The following DIAPH3 variants were observed in gnomAD, a reference collection of about 807,000 sequenced individuals.
DIAPH3 encodes protein diaphanous homolog 3.
Under a neutral mutation model 144.3 loss-of-function variants are expected in DIAPH3, and 117 were observed. The observed-to-expected ratio is 0.81, with a 90% confidence interval of 0.70 to 0.95. The LOEUF is 0.95. Among genes scored for constraint, DIAPH3 ranks in the 40% least tolerant of loss-of-function variants. The probability of loss-of-function intolerance (pLI) is 0.00; values close to 1 mark genes in which losing one functional copy is unlikely to be tolerated. For synonymous variants in DIAPH3, 519 were observed against 488.9 expected (o/e 1.06, Z -0.81); for missense variants, 1,421 against 1,412.7 (o/e 1.01, Z -0.09).
intron 27 of DIAPH3, among the ~76,000 whole-genome samples, chr13:59,718,170 C>A (rs2035153945): frequency 6.7e-6 from 1 of 150,146 alleles, no homozygotes; most frequent in African/African-American, 2.5e-5. Flanking sequence ...AGATCCTTGG[C>A]CACCTCCCTG....
intron 17 of DIAPH3, among the ~76,000 whole-genome samples, chr13:59,930,876 G>A (rs1488757488): frequency 6.6e-6 from 1 of 152,176 alleles, no homozygotes; most frequent in Non-Finnish European, 1.5e-5. Context: ...AACAGGGAAG[G>A]AGAGTGTGGA....
rs566304750 is a variant in DIAPH3 at position 60,063,724 on chromosome 13, C to T, written c.496-20904G>A. 9.3e-4 allele frequency among the ~76,000 whole-genome samples: 142 copies of T among 152,082 alleles called. 2 individuals carry two copies. Among genetic ancestry groups the T allele is most frequent in the African/African-American group, 3.3e-3 (138 of 41,486 alleles). On this transcript the variant is annotated intron_variant, in intron 4 of 27. Transcript: ENST00000400324. ...AGTGGATCACCTGAGGTCAGGAGTT[C>T]GAGACCAGCCTGGCCAACAAGGTGA...
intron 27 of DIAPH3, among the ~76,000 whole-genome samples, chr13:59,667,135 AT>A (rs2032065021): frequency 6.6e-6 from 1 of 152,088 alleles, no homozygotes; most frequent in South Asian, 2.1e-4. Flanking sequence ...CTGGTCCCAT[AT>A]TTCTTTCAGG....
intron 1 of DIAPH3, 80 bp downstream of exon 1, chr13:60,163,507 A>C: frequency 6.4e-7 from 1 of 1,566,644 alleles, no homozygotes. Flanking sequence ...TTGGTCCCCA[A>C]GTTCTTGTGG....
intron 9 of DIAPH3, among the ~76,000 whole-genome samples, chr13:60,006,447 CA>C (rs954900325): frequency 1.5e-4 from 22 of 149,994 alleles, no homozygotes; most frequent in African/African-American, 2.7e-4. Context: ...TAGATAGTTG[CA>C]AAAAAAAATC....
In DIAPH3 at chr13:60,163,910, G is replaced by T; in HGVS notation, c.-144C>A. 9.2e-7 allele frequency: 1 copy of T among 1,086,488 alleles called. No individual in the cohort carries two copies. Among genetic ancestry groups the T allele is most frequent in the Non-Finnish European group, 1.3e-6 (1 of 780,470 alleles). The allele number at this position is 1,086,488 out of a possible 1,614,324, so 67.3% of individuals were successfully genotyped here. A position where few individuals can be genotyped will look rare whatever the true frequency, so the allele number is the denominator to read the frequency against. On this transcript the variant is annotated 5_prime_UTR_variant, in exon 1 of 28. Transcript: ENST00000400324. ...AGCCTAGCCCAACCGCTGAAGTCGGGGCCGCAGCCAACACATCTGAAAACT... is the reference window on the plus strand; with the variant it reads ...AGCCTAGCCCAACCGCTGAAGTCGGTGCCGCAGCCAACACATCTGAAAACT...
intron 27 of DIAPH3, among the ~76,000 whole-genome samples, chr13:59,736,401 C>T (rs986954058): frequency 1.3e-5 from 2 of 152,148 alleles, no homozygotes; most frequent in Non-Finnish European, 2.9e-5. Context: ...TTTACACTTC[C>T]ACCAGCTGTG....
intron 27 of DIAPH3, among the ~76,000 whole-genome samples, chr13:59,687,583 C>T (rs1280708464): frequency 2.0e-5 from 3 of 151,972 alleles, no homozygotes; most frequent in African/African-American, 7.3e-5. Flanking sequence ...TTTGATAAGA[C>T]GTCAGGACAA....
At chr13:59,854,446 C>T (rs1166474878) in intron 22 of DIAPH3, among the ~76,000 whole-genome samples, 2 of 152,128 alleles carry the variant, frequency 1.3e-5, no homozygotes, top group African/African-American at 4.8e-5. Flanking sequence ...CTACCTGCAG[C>T]ATTTGATTAT....
chr13:59,771,242 CAA>C (rs2038102605), intron 27 of DIAPH3, among the ~76,000 whole-genome samples: 1 of 151,890 alleles, frequency 6.6e-6, no homozygotes, highest in Non-Finnish European at 1.5e-5. Flanking sequence ...ACACAGACAG[CAA>C]AAGATATACA....
intron 21 of DIAPH3, 57 bp downstream of exon 21, chr13:59,879,172 C>G (rs2044830066): frequency 1.2e-6 from 2 of 1,610,402 alleles, no homozygotes; most frequent in East Asian, 2.2e-5. Flanking sequence ...GCAATCAGGG[C>G]TGACATTTAA....
At chr13:59,815,642 T>C (rs1231301567) in intron 24 of DIAPH3, among the ~76,000 whole-genome samples, 3 of 152,054 alleles carry the variant, frequency 2.0e-5, no homozygotes, top group African/African-American at 7.2e-5. Context: ...TTTGTAGAGA[T>C]GGGGGTCTTG....
chr13:60,054,628 A>G (rs936632445), intron 4 of DIAPH3, among the ~76,000 whole-genome samples: 3 of 152,046 alleles, frequency 2.0e-5, no homozygotes, highest in Admixed American at 2.0e-4. Flanking sequence ...TATTTAAAGA[A>G]ATAGTTTGCA....
At chr13:59,827,802 C>T (rs1264610387) in intron 24 of DIAPH3, among the ~76,000 whole-genome samples, 1 of 151,934 alleles carries the variant, frequency 6.6e-6, no homozygotes, top group African/African-American at 2.4e-5. Context: ...TGCTTCAAAG[C>T]CACAGTGACC....
rs957266835 is a variant in DIAPH3, at chr13:59,870,665, G to T, written c.2607+8564C>A. Among the ~76,000 whole-genome samples the T allele has an allele frequency of 6.7e-3, 938 of 139,206 alleles. 5 individuals are homozygous for T. Among genetic ancestry groups the T allele is most frequent in the Non-Finnish European group, 8.2e-3 (534 of 65,310 alleles). 91.3% of individuals were successfully genotyped at this position (139,206 alleles called of 152,430 possible). On this transcript the variant is annotated intron_variant, in intron 21 of 27. Coordinates refer to ENST00000400324, the MANE Select transcript of DIAPH3 (RefSeq NM_001042517.2). ...TGATTTTTTTCAAAGTTTTGTAGGT[G>T]TTTTTTTTTTTTTTTTAAATTTGAG...
intron 21 of DIAPH3, among the ~76,000 whole-genome samples, chr13:59,866,836 G>A (rs1389182436): frequency 2.0e-5 from 3 of 151,748 alleles, no homozygotes; most frequent in East Asian, 1.9e-4. Flanking sequence ...AGGTATCTAC[G>A]TGAAAATGAA....
chr13:59,903,108 A>T (rs2046538456), intron 20 of DIAPH3, among the ~76,000 whole-genome samples: 1 of 152,196 alleles, frequency 6.6e-6, no homozygotes, highest in Non-Finnish European at 1.5e-5. Context: ...GAGATCAAAG[A>T]TGAATTATTA....
chr13:59,853,200 A>G (rs1370283137), intron 22 of DIAPH3, among the ~76,000 whole-genome samples: 1 of 152,180 alleles, frequency 6.6e-6, no homozygotes, highest in Non-Finnish European at 1.5e-5. Context: ...AGTTTCTCCT[A>G]TCATATAATG....
rs1033025484 is a variant in DIAPH3, at chr13:59,666,417, T to C, written c.*167A>G. 2 of 794,272 alleles carry C rather than the reference T, an allele frequency of 2.5e-6. No individual in the cohort carries two copies. Among genetic ancestry groups the C allele is most frequent in the South Asian group, 2.2e-5 (1 of 46,280 alleles). The allele number at this position is 794,272 out of a possible 1,614,324, so 49.2% of individuals were successfully genotyped here. A position where few individuals can be genotyped will look rare whatever the true frequency, so the allele number is the denominator to read the frequency against. ...ATCTTGAATAAACCAAAACCTCCAGTACATAGAAAAAGCATTGCAATCATA... is the reference window on the plus strand; with the variant it reads ...ATCTTGAATAAACCAAAACCTCCAGCACATAGAAAAAGCATTGCAATCATA... On this transcript the variant is annotated 3_prime_UTR_variant, in exon 28 of 28. Coordinates refer to ENST00000400324, the MANE Select transcript of DIAPH3 (RefSeq NM_001042517.2).
Sources: gnomAD v4.1 joint callset for allele counts (sites outside exome capture counted in the v4.1 genomes callset) on GRCh38, gnomAD v4.1.1 for gene constraint, MANE v1.5 for transcripts, NCBI Gene and HGNC (gene_info 2026-07-23, HGNC 2026-07-21) for gene names.